The following SLC16A2 variants were observed in gnomAD, a reference collection of about 807,000 sequenced individuals.
The protein encoded by SLC16A2 is solute carrier family 16 member 2, also known as monocarboxylate transporter 8.
In SLC16A2, 3 loss-of-function variants were observed where a neutral mutation model predicts 27.2. The observed-to-expected ratio is 0.11, with a 90% CI of 0.05 to 0.28. The LOEUF (loss-of-function observed/expected upper bound fraction) is 0.28, where lower values mean the gene tolerates loss of function less well. Ranked by LOEUF, SLC16A2 falls within the 10% of genes least tolerant of loss-of-function variation. The pLI is 1.00. For missense variants in SLC16A2, 295 were observed against 458.5 expected (o/e 0.64, Z 3.26); for synonymous variants, 202 against 187.8 (o/e 1.08, Z -0.62).
chrX:74,445,173 C>CGT (rs752058587), intron 1 of SLC16A2, among the ~76,000 whole-genome samples: 15 of 110,246 alleles, frequency 1.4e-4, no homozygotes, highest in African/African-American at 4.6e-4. Context: ...TTCTAAGTTG[C>CGT]GTGTGTGTGT....
chrX:74,454,313 A>G (rs1232257058), intron 1 of SLC16A2, among the ~76,000 whole-genome samples: 1 of 110,686 alleles, frequency 9.0e-6, no homozygotes. Context: ...AATAGCAAAG[A>G]CTTGGAACCA....
At chrX:74,501,989 A>AACAT in intron 1 of SLC16A2, among the ~76,000 whole-genome samples, 1 of 111,578 alleles carries the variant, frequency 9.0e-6, no homozygotes, top group Non-Finnish European at 1.9e-5. Context: ...TATTAATTTG[A>AACAT]ACATAAAAAA....
intron 1 of SLC16A2, among the ~76,000 whole-genome samples, chrX:74,505,144 GA>G (rs1363380494): frequency 4.5e-5 from 5 of 110,542 alleles, no homozygotes; most frequent in Admixed American, 9.6e-5. Context: ...TAGTGGCTAG[GA>G]AAAAAAAATT....
chrX:74,475,903 G>A (rs1286013257), intron 1 of SLC16A2, among the ~76,000 whole-genome samples: 4 of 111,651 alleles, frequency 3.6e-5, no homozygotes, highest in African/African-American at 9.8e-5. Flanking sequence ...ATAGTTTGAA[G>A]TCAGGTAGCG....
chrX:74,422,114 C>T (rs1456374873), intron 1 of SLC16A2, 47 bp downstream of exon 1: 8 of 1,146,846 alleles, frequency 7.0e-6, no homozygotes, highest in African/African-American at 1.8e-5. Context: ...CAAGGTTGGC[C>T]GCTCCCGCTG....
chrX:74,462,139 GT>G (rs766862893), intron 1 of SLC16A2, among the ~76,000 whole-genome samples: 1 of 112,265 alleles, frequency 8.9e-6, no homozygotes, highest in South Asian at 3.7e-4. Flanking sequence ...GCCCCTCGGA[GT>G]TTGGGTAGAG....
chrX:74,507,501 A>G (rs1327788359), intron 1 of SLC16A2, among the ~76,000 whole-genome samples: 1 of 111,996 alleles, frequency 8.9e-6, no homozygotes, highest in African/African-American at 3.3e-5. Flanking sequence ...CTACCATTCA[A>G]TCCAGCAACC....
Position 74,477,414 on chromosome X carries a change from A to T in SLC16A2, c.431-43576A>T, listed in dbSNP as rs1929505223. On this transcript the variant is annotated intron_variant, in intron 1 of 5. Coordinates refer to ENST00000587091, the MANE Select transcript of SLC16A2 (RefSeq NM_006517.5). ...AGCTAGCGGTCTATCCATTTTGTTG[A>T]TCTTTTCAAAAAACCAGCTCCTGGA... Among the ~76,000 whole-genome samples the T allele has an allele frequency of 3.6e-5, 4 of 110,339 alleles. No individual in the cohort carries two copies. In the South Asian group the frequency reaches 1.5e-3, roughly 43 times the overall value.
chrX:74,428,922 A>T (rs1217449480), intron 1 of SLC16A2, among the ~76,000 whole-genome samples: 1 of 111,656 alleles, frequency 9.0e-6, no homozygotes, highest in Non-Finnish European at 1.9e-5. Context: ...CTGAACTTCC[A>T]GAGATTTCAT....
chrX:74,458,573 C>T (rs1211184665), intron 1 of SLC16A2, among the ~76,000 whole-genome samples: 4 of 111,038 alleles, frequency 3.6e-5, no homozygotes, highest in Non-Finnish European at 5.7e-5. Context: ...GTCTTGAACT[C>T]CCGACCTCAG....
chrX:74,464,040 TA>T (rs1654825169), intron 1 of SLC16A2, among the ~76,000 whole-genome samples: 1 of 112,553 alleles, frequency 8.9e-6, no homozygotes, highest in Non-Finnish European at 1.9e-5. Flanking sequence ...ATACAGTATT[TA>T]CTCTTTTTGT....
intron 1 of SLC16A2, among the ~76,000 whole-genome samples, chrX:74,491,752 TAG>T (rs773830125): frequency 3.5e-4 from 40 of 112,736 alleles, no homozygotes; most frequent in African/African-American, 1.3e-3. Flanking sequence ...CAAGATGTAT[TAG>T]AGTTTCTTGA....
intron 1 of SLC16A2, among the ~76,000 whole-genome samples, chrX:74,515,650 C>CACACAA (rs1452124583): frequency 9.2e-6 from 1 of 108,739 alleles, no homozygotes; most frequent in African/African-American, 3.3e-5. Context: ...CGTGCATGCA[C>CACACAA]ACACACACAC....
chrX:74,489,238 C>G (rs1356244983), intron 1 of SLC16A2, among the ~76,000 whole-genome samples: 1 of 111,712 alleles, frequency 9.0e-6, no homozygotes, highest in East Asian at 2.8e-4. Flanking sequence ...AAGTAACAAA[C>G]TTAGGGTTAA....
chrX:74,432,349 C>A (rs1402018454), intron 1 of SLC16A2, among the ~76,000 whole-genome samples: 1 of 111,631 alleles, frequency 9.0e-6, no homozygotes, highest in East Asian at 2.8e-4. Context: ...GTGTTCTGAA[C>A]AGGATAGCTC....
intron 2 of SLC16A2, among the ~76,000 whole-genome samples, chrX:74,523,380 A>G (rs931842292): frequency 5.3e-5 from 6 of 112,721 alleles, no homozygotes; most frequent in African/African-American, 1.9e-4. Context: ...TGCCTGACCA[A>G]GAAGAGTATT....
intron 1 of SLC16A2, among the ~76,000 whole-genome samples, chrX:74,480,922 T>C (rs972575973): frequency 4.4e-5 from 5 of 112,402 alleles, no homozygotes; most frequent in African/African-American, 1.3e-4. Context: ...GTTTGTTGAA[T>C]GTTTTTATTG....
At chrX:74,484,212 C>T (rs1929675771) in intron 1 of SLC16A2, among the ~76,000 whole-genome samples, 1 of 112,018 alleles carries the variant, frequency 8.9e-6, no homozygotes, top group Non-Finnish European at 1.9e-5. Flanking sequence ...GAACATGTGC[C>T]CAAGATGGTG....
rs781385261 is a variant in SLC16A2, at chrX:74,438,323, T to G, written c.430+16256T>G. The stretch of plus-strand genomic sequence containing the variant: ...TAAGGTTCAAATGAAAAGATGGATG[T>G]GAAAGCCCTTTGAAAACAGCTTTGC... On this transcript the variant is annotated intron_variant, in intron 1 of 5. Coordinates refer to ENST00000587091, the MANE Select transcript of SLC16A2 (RefSeq NM_006517.5). Among the ~76,000 whole-genome samples, 4 of 113,038 alleles carry G rather than the reference T, an allele frequency of 3.5e-5. No individual in the cohort carries two copies. The Admixed American group carries it at 3.7e-4, about 11-fold the overall frequency.
Sources: allele counts gnomAD v4.1 joint callset (sites outside exome capture counted in the v4.1 genomes callset), GRCh38; gene constraint gnomAD v4.1.1; transcripts MANE v1.5; gene names NCBI Gene and HGNC (gene_info 2026-07-23, HGNC 2026-07-21).